The following RIMS2 variants were observed in gnomAD, a reference collection of about 807,000 sequenced individuals.
RIMS2 encodes regulating synaptic membrane exocytosis protein 2.
In RIMS2, 59 loss-of-function variants were observed where a neutral mutation model predicts 174.4. That is an observed-to-expected ratio of 0.34 (90% CI 0.27 to 0.42). RIMS2 has a LOEUF of 0.42. Ranked by LOEUF, RIMS2 falls within the 10% of genes least tolerant of loss-of-function variation. The pLI is 1.00. For synonymous variants in RIMS2, 606 were observed against 572.5 expected, an observed-to-expected ratio of 1.06 and a Z score of -0.84; for missense variants, 1,620 against 1,666.3, an observed-to-expected ratio of 0.97 and a Z score of 0.48.
chr8:103,721,902 T>A (rs2097454258), intron 2 of RIMS2, among the ~76,000 whole-genome samples: 1 of 152,166 alleles, frequency 6.6e-6, no homozygotes, highest in South Asian at 2.1e-4. Context: ...GACAACTAGC[T>A]TTCTGCATTG....
rs150404114 is a variant in RIMS2, at chr8:103,545,668, A to G, written c.176+44606A>G. On this transcript the variant is annotated intron_variant, in intron 1 of 23. Coordinates refer to ENST00000504942, the Ensembl canonical transcript of RIMS2. Reference sequence around the variant, plus strand: ...ACAAAGGGAACTCCATCAGGCTAACAGTGAATTTTTCAGCAGAAACTCTAC... The same window carrying G: ...ACAAAGGGAACTCCATCAGGCTAACGGTGAATTTTTCAGCAGAAACTCTAC... 4.6e-3 allele frequency among the ~76,000 whole-genome samples: 695 copies of G among 152,366 alleles called. 23 individuals carry two copies. The highest frequency in any genetic ancestry group is 0.035 in the Admixed American group (533 of 15,300).
intron 3 of RIMS2, among the ~76,000 whole-genome samples, chr8:103,793,349 A>G (rs947801331): frequency 5.3e-5 from 8 of 152,232 alleles, no homozygotes; most frequent in African/African-American, 1.9e-4. Flanking sequence ...ATCTCAATAG[A>G]TGCAGAAAAG....
exon 15 of RIMS2, chr8:103,961,080 G>A: frequency 6.7e-7 from 1 of 1,492,356 alleles, no homozygotes; most frequent in Non-Finnish European, 9.4e-7. Flanking sequence ...AAGAGAATAA[G>A]TGATAGTGAA....
intron 19 of RIMS2, among the ~76,000 whole-genome samples, chr8:104,200,567 T>C (rs1437448883): frequency 1.3e-5 from 2 of 152,170 alleles, no homozygotes; most frequent in Non-Finnish European, 2.9e-5. Context: ...TATGTATTTT[T>C]AAATATGAGT....
At chr8:103,751,285 T>G (rs1207260524) in intron 2 of RIMS2, among the ~76,000 whole-genome samples, 1 of 152,104 alleles carries the variant, frequency 6.6e-6, no homozygotes, top group Non-Finnish European at 1.5e-5. Context: ...CTCATCCTTT[T>G]TTATGGCTGC....
intron 14 of RIMS2, among the ~76,000 whole-genome samples, chr8:103,946,476 A>G (rs1481473173): frequency 6.6e-6 from 1 of 152,218 alleles, no homozygotes; most frequent in Non-Finnish European, 1.5e-5. Context: ...TGGGTGAGAG[A>G]GCGAGACTCC....
chr8:103,660,678 C>T (rs551154649), intron 1 of RIMS2, among the ~76,000 whole-genome samples: 1 of 152,256 alleles, frequency 6.6e-6, no homozygotes, highest in Admixed American at 6.5e-5. Context: ...GATGTGTTTC[C>T]AGGTCTAACA....
At chr8:104,146,977 G>A (rs1234170882) in intron 19 of RIMS2, among the ~76,000 whole-genome samples, 1 of 152,064 alleles carries the variant, frequency 6.6e-6, no homozygotes, top group Admixed American at 6.5e-5. Flanking sequence ...TTACAGACGT[G>A]AGCCACTGTG....
At chr8:103,716,099 G>T (rs1391662377) in intron 2 of RIMS2, among the ~76,000 whole-genome samples, 5 of 151,578 alleles carry the variant, frequency 3.3e-5, no homozygotes, top group Non-Finnish European at 7.4e-5. Flanking sequence ...TGAATTGAAT[G>T]AAATGTATGG....
intron 1 of RIMS2, among the ~76,000 whole-genome samples, chr8:103,618,397 G>T (rs1366843351): frequency 6.6e-6 from 1 of 152,122 alleles, no homozygotes; most frequent in Non-Finnish European, 1.5e-5. Flanking sequence ...GGTTGAGGAA[G>T]AACACAGTAC....
chr8:104,176,478 G>A (rs1012844900), intron 19 of RIMS2, among the ~76,000 whole-genome samples: 2 of 151,954 alleles, frequency 1.3e-5, no homozygotes, highest in African/African-American at 4.8e-5. Flanking sequence ...ATTCTCTCAG[G>A]CTTGAATCCT....
intron 1 of RIMS2, among the ~76,000 whole-genome samples, chr8:103,551,608 G>T (rs902020610): frequency 5.3e-5 from 8 of 152,146 alleles, no homozygotes; most frequent in African/African-American, 1.9e-4. Context: ...AGGGCAATCA[G>T]ACAGGAGAAA....
rs2099348487 is a variant in RIMS2, at chr8:104,248,856, T to G, written c.3589+43T>G. The G allele has an allele frequency of 2.9e-6, 3 of 1,022,894 alleles. No individual in the cohort carries two copies. The African/African-American group carries it at 4.7e-5, about 16-fold the overall frequency. The allele number at this position is 1,022,894 out of a possible 1,614,324, so 63.4% of individuals were successfully genotyped here. A position where few individuals can be genotyped will look rare whatever the true frequency, so the allele number is the denominator to read the frequency against. ...ATGATTTCACTATTTTGTTTTAGAT[T>G]GTTGAAAATGAAATTCTCTAAATTT... is the stretch of plus-strand genomic sequence containing the variant. On this transcript the variant is annotated intron_variant, in intron 21 of 23. Transcript: ENST00000504942.
At chr8:104,125,586 A>G (rs2098421847) in intron 19 of RIMS2, among the ~76,000 whole-genome samples, 1 of 152,200 alleles carries the variant, frequency 6.6e-6, no homozygotes, top group Non-Finnish European at 1.5e-5. Context: ...CTGTGGCACT[A>G]TGAATAACAT....
intron 17 of RIMS2, among the ~76,000 whole-genome samples, chr8:104,008,257 A>G (rs1298171716): frequency 1.3e-5 from 2 of 152,084 alleles, no homozygotes. Context: ...ATGGGAACCT[A>G]TTTCATAAAA....
chr8:103,509,097 T>A (rs759548942), intron 1 of RIMS2, among the ~76,000 whole-genome samples: 1 of 151,718 alleles, frequency 6.6e-6, no homozygotes, highest in Non-Finnish European at 1.5e-5. Flanking sequence ...GTAATAGAAG[T>A]GACTATAACT....
chr8:104,036,367 G>T (rs2096516666), intron 19 of RIMS2, among the ~76,000 whole-genome samples: 1 of 151,226 alleles, frequency 6.6e-6, no homozygotes, highest in African/African-American at 2.4e-5. Context: ...TAGCCAGGAT[G>T]GTCTCTATCT....
chr8:103,834,193 GTTGA>G (rs1277459840), intron 3 of RIMS2, among the ~76,000 whole-genome samples: 1 of 151,848 alleles, frequency 6.6e-6, no homozygotes, highest in Non-Finnish European at 1.5e-5. Flanking sequence ...TAGAGACAGG[GTTGA>G]TTGTTTTTAT....
At chr8:103,579,133 T>C (rs2093441673) in intron 1 of RIMS2, among the ~76,000 whole-genome samples, 1 of 151,970 alleles carries the variant, frequency 6.6e-6, no homozygotes, top group Non-Finnish European at 1.5e-5. Flanking sequence ...CCAGGCACAA[T>C]GGTATGTGCC....
Sources: gnomAD v4.1 joint callset for allele counts (sites outside exome capture counted in the v4.1 genomes callset) on GRCh38, gnomAD v4.1.1 for gene constraint, MANE v1.5 for transcripts, NCBI Gene and HGNC (gene_info 2026-07-23, HGNC 2026-07-21) for gene names.